The following TTC28 variants were observed in gnomAD, a reference collection of about 807,000 sequenced individuals.
TTC28 encodes tetratricopeptide repeat protein 28.
A neutral mutation model predicts 198.0 loss-of-function variants in TTC28; 61 were observed. The observed-to-expected ratio is 0.31, with a 90% CI of 0.25 to 0.38. The LOEUF (loss-of-function observed/expected upper bound fraction) is 0.38. Among genes scored for constraint, TTC28 ranks in the 10% least tolerant of loss-of-function variants. The pLI, the probability that TTC28 is intolerant of heterozygous loss-of-function variation, is 1.00. For synonymous variants in TTC28, 1,171 were observed against 1,297.8 expected (o/e 0.90, Z 2.10); for missense variants, 2,678 against 3,164.0 (o/e 0.85, Z 3.69).
intron 6 of TTC28, among the ~76,000 whole-genome samples, chr22:28,159,305 G>A (rs758683852): frequency 6.6e-6 from 1 of 152,130 alleles, no homozygotes; most frequent in Non-Finnish European, 1.5e-5. Flanking sequence ...TGGTGGGAGT[G>A]TAAATTAGTA....
Position 27,983,584 on chromosome 22 carries a change from T to C in TTC28, c.6083A>G (p.Asn2028Ser). 1 of 1,550,830 alleles carries C rather than the reference T, an allele frequency of 6.4e-7. No individual in the cohort carries two copies. Among genetic ancestry groups the C allele is most frequent in the Non-Finnish European group, 8.7e-7 (1 of 1,146,698 alleles). Reference sequence around the variant, plus strand: ...CAGGGTGGATCTCTGCAGGTAAGCGTTCTTGGACCGGTCATGGTCCTGCCG... The same window carrying C: ...CAGGGTGGATCTCTGCAGGTAAGCGCTCTTGGACCGGTCATGGTCCTGCCG... Reference protein sequence around the residue: ...GGRQDHDRSKNAYLQRSTLPR... With the variant: ...GGRQDHDRSKSAYLQRSTLPR... The change falls in exon 23 of 23, where the codon AAC becomes AGC. Residue 2028 changes from asparagine (N) to serine (S), a missense_variant. By Grantham distance (46) the Asn-to-Ser change is conservative. Coordinates refer to ENST00000397906, the MANE Select transcript of TTC28 (RefSeq NM_001145418.2).
At chr22:28,206,574 T>A (rs1926423975) in intron 5 of TTC28, among the ~76,000 whole-genome samples, 1 of 152,180 alleles carries the variant, frequency 6.6e-6, no homozygotes, top group East Asian at 1.9e-4. Flanking sequence ...ACAAATCTGG[T>A]TAATATGTCC....
chr22:28,629,683 C>A lies in TTC28; in HGVS notation c.250G>T (p.Ala84Ser). Residue 84 changes from alanine to serine, a missense_variant, in exon 2 of 23, where the codon GCC becomes TCC. Coordinates refer to ENST00000397906, the MANE Select transcript of TTC28 (RefSeq NM_001145418.2). ...CAGTTCTGAGGGTCAACAGCCAGGG[C>A]TTCATTATACAGAACAATAGCTGTG... is the stretch of plus-strand genomic sequence containing the variant. The part of the protein sequence containing the change: ...FHTAIVLYNE[A>S]LAVDPQNCIL... The A allele has an allele frequency of 6.4e-7, 1 of 1,551,624 alleles. No homozygotes were observed. Among genetic ancestry groups the A allele is most frequent in the Non-Finnish European group, 8.7e-7 (1 of 1,146,976 alleles).
At chr22:28,514,780 T>C (rs2048749592) in intron 2 of TTC28, among the ~76,000 whole-genome samples, 1 of 152,216 alleles carries the variant, frequency 6.6e-6, no homozygotes, top group Non-Finnish European at 1.5e-5. Context: ...AAGTTGAACC[T>C]TTCCTATAGA....
At chr22:28,525,082 G>A (rs1370322095) in intron 2 of TTC28, among the ~76,000 whole-genome samples, 1 of 152,116 alleles carries the variant, frequency 6.6e-6, no homozygotes, top group Non-Finnish European at 1.5e-5. Context: ...TTCATACTTA[G>A]TATATCTTTA....
At chr22:28,613,870 T>C (rs888058541) in intron 2 of TTC28, among the ~76,000 whole-genome samples, 1 of 152,202 alleles carries the variant, frequency 6.6e-6, no homozygotes, top group Non-Finnish European at 1.5e-5. Flanking sequence ...AGCATTCCCT[T>C]TGAAAACCGG....
intron 2 of TTC28, among the ~76,000 whole-genome samples, chr22:28,510,708 G>A (rs577556681): frequency 3.3e-5 from 5 of 152,230 alleles, no homozygotes; most frequent in African/African-American, 7.2e-5. Context: ...AAGAGAAGAA[G>A]TCAAATTATC....
intron 2 of TTC28, among the ~76,000 whole-genome samples, chr22:28,505,752 G>T (rs2048603030): frequency 1.3e-5 from 2 of 152,166 alleles, no homozygotes; most frequent in African/African-American, 4.8e-5. Context: ...TAGGAACTGG[G>T]GCTGAATTTA....
chr22:28,375,088 C>CT (rs2046389706), intron 2 of TTC28, among the ~76,000 whole-genome samples: 1 of 151,466 alleles, frequency 6.6e-6, no homozygotes. Context: ...ACTCAAGACT[C>CT]TAATTCCTTA....
At chr22:28,659,655 A>C (rs1270805099) in intron 1 of TTC28, among the ~76,000 whole-genome samples, 1 of 152,124 alleles carries the variant, frequency 6.6e-6, no homozygotes, top group Non-Finnish European at 1.5e-5. Flanking sequence ...CCAACTACTT[A>C]GGAGGCTGAG....
At chr22:28,459,012 T>C (rs1017760146) in intron 2 of TTC28, among the ~76,000 whole-genome samples, 3 of 152,090 alleles carry the variant, frequency 2.0e-5, no homozygotes, top group Non-Finnish European at 4.4e-5. Context: ...AAATGTCTCC[T>C]AGCTGCAGGG....
At chr22:28,435,546 G>A (rs2047507540) in intron 2 of TTC28, among the ~76,000 whole-genome samples, 1 of 152,214 alleles carries the variant, frequency 6.6e-6, no homozygotes, top group Non-Finnish European at 1.5e-5. Context: ...GACAGGGCCA[G>A]CCGGGATTTC....
rs547287153 is a variant in TTC28, at chr22:28,585,538, G to A, written c.381+44014C>T. Among the ~76,000 whole-genome samples, 12 of 152,252 alleles carry A rather than the reference G, an allele frequency of 7.9e-5. No homozygotes were observed. The South Asian group carries it at 8.3e-4, about 11-fold the overall frequency. Reference sequence around the variant, plus strand: ...AAATGCAGATGAAGCTTCGCCCACCGCTCACCTCCTGCTGTGTGGCCTAGT... The same window carrying A: ...AAATGCAGATGAAGCTTCGCCCACCACTCACCTCCTGCTGTGTGGCCTAGT... On this transcript the variant is annotated intron_variant, in intron 2 of 22. Coordinates refer to ENST00000397906, the MANE Select transcript of TTC28 (RefSeq NM_001145418.2).
At chr22:28,336,468 T>C (rs923821078) in intron 2 of TTC28, among the ~76,000 whole-genome samples, 1 of 152,224 alleles carries the variant, frequency 6.6e-6, no homozygotes. Flanking sequence ...CATCTGGTCC[T>C]GGACTTTTTT....
chr22:28,025,537 C>A (rs1386206988), intron 13 of TTC28, among the ~76,000 whole-genome samples: 1 of 152,166 alleles, frequency 6.6e-6, no homozygotes, highest in Non-Finnish European at 1.5e-5. Context: ...ACTGCTGCAG[C>A]ACGCCTCCGT....
intron 2 of TTC28, among the ~76,000 whole-genome samples, chr22:28,601,348 T>A (rs562462804): frequency 7.6e-4 from 116 of 152,296 alleles, no homozygotes; most frequent in South Asian, 1.9e-3. Context: ...TTACATACAG[T>A]AGCCCTCCAT....
At chr22:28,498,787 C>A (rs1233751274) in intron 2 of TTC28, among the ~76,000 whole-genome samples, 1 of 152,134 alleles carries the variant, frequency 6.6e-6, no homozygotes, top group Non-Finnish European at 1.5e-5. Flanking sequence ...TATTGATTCA[C>A]CATATGGGCA....
intron 2 of TTC28, among the ~76,000 whole-genome samples, chr22:28,622,827 A>ATT (rs577442473): frequency 6.8e-5 from 10 of 147,852 alleles, no homozygotes; most frequent in Admixed American, 1.3e-4. Context: ...GACAAAATAG[A>ATT]TTTTTTTTTT....
intron 5 of TTC28, among the ~76,000 whole-genome samples, chr22:28,197,213 T>C (rs890773264): frequency 5.9e-5 from 8 of 135,174 alleles, no homozygotes; most frequent in African/African-American, 1.1e-4. Context: ...TAGGTGGGAA[T>C]TGAACAATGA....
Sources: gnomAD v4.1 joint callset for allele counts (sites outside exome capture counted in the v4.1 genomes callset) on GRCh38, gnomAD v4.1.1 for gene constraint, MANE v1.5 for transcripts, NCBI Gene and HGNC (gene_info 2026-07-23, HGNC 2026-07-21) for gene names.